The following DLG2 variants were observed in gnomAD, a reference collection of about 807,000 sequenced individuals.
DLG2 encodes disks large homolog 2.
A neutral mutation model predicts 132.5 loss-of-function variants in DLG2; 45 were observed. That is an observed-to-expected ratio of 0.34 (90% CI 0.27 to 0.44). DLG2 has a LOEUF of 0.44. DLG2 is among the 20% of genes least tolerant of loss of function. The pLI is 1.00. For synonymous variants in DLG2, 424 were observed against 419.6 expected (o/e 1.01, Z -0.13); for missense variants, 1,045 against 1,196.9 (o/e 0.87, Z 1.87).
chr11:84,677,296 T>C (rs2099715397), intron 6 of DLG2, among the ~76,000 whole-genome samples: 1 of 152,064 alleles, frequency 6.6e-6, no homozygotes, highest in South Asian at 2.1e-4. Context: ...GCTTCACTTA[T>C]ACCTGTTTAT....
At chr11:85,180,332 GTA>G (rs1433368745) in intron 4 of DLG2, among the ~76,000 whole-genome samples, 1 of 151,696 alleles carries the variant, frequency 6.6e-6, no homozygotes, top group Non-Finnish European at 1.5e-5. Flanking sequence ...GTGCATAACT[GTA>G]TGTCATTTTG....
chr11:84,464,084 A>G (rs1297068392), intron 7 of DLG2, among the ~76,000 whole-genome samples: 1 of 151,278 alleles, frequency 6.6e-6, no homozygotes, highest in Non-Finnish European at 1.5e-5. Flanking sequence ...TTGGTCATAC[A>G]GAGATAATTT....
At chr11:83,869,425 G>T (rs1014530682) in intron 16 of DLG2, among the ~76,000 whole-genome samples, 2 of 152,154 alleles carry the variant, frequency 1.3e-5, no homozygotes, top group Non-Finnish European at 2.9e-5. Context: ...CTCAGGCTCA[G>T]AACACCAGAG....
Position 84,898,585 on chromosome 11 carries a change from C to T in DLG2, c.357+213076G>A, listed in dbSNP as rs182941111. 1.6e-4 allele frequency among the ~76,000 whole-genome samples: 24 copies of T among 152,020 alleles called. No homozygotes were observed. In the East Asian group the frequency reaches 3.5e-3, roughly 22 times the overall value. ...AATTTAGAATTATTTCTGTTACTAT[C>T]CCACTTAATATTTCTGGAAAATGTG... On this transcript the variant is annotated intron_variant, in intron 6 of 27. Coordinates refer to ENST00000376104, the MANE Select transcript of DLG2 (RefSeq NM_001142699.3).
intron 6 of DLG2, among the ~76,000 whole-genome samples, chr11:85,050,004 G>C (rs1446209166): frequency 6.6e-6 from 1 of 151,606 alleles, no homozygotes; most frequent in Non-Finnish European, 1.5e-5. Flanking sequence ...AAATTGTTAG[G>C]AGACCCTCTT....
intron 6 of DLG2, among the ~76,000 whole-genome samples, chr11:84,942,042 G>C (rs1479891571): frequency 6.6e-6 from 1 of 152,100 alleles, no homozygotes; most frequent in Non-Finnish European, 1.5e-5. Context: ...CTTGCATATA[G>C]ATGCTCATAG....
At chr11:83,783,417 A>C (rs1032140529) in intron 18 of DLG2, among the ~76,000 whole-genome samples, 1 of 152,252 alleles carries the variant, frequency 6.6e-6, no homozygotes, top group Non-Finnish European at 1.5e-5. Flanking sequence ...AAAGACTATG[A>C]GGAACACAGT....
intron 6 of DLG2, among the ~76,000 whole-genome samples, chr11:84,704,573 A>C (rs2059584189): frequency 6.6e-6 from 1 of 151,552 alleles, no homozygotes; most frequent in Admixed American, 6.6e-5. Context: ...AAAGATATAC[A>C]TAAATAAGAG....
chr11:84,665,951 T>A (rs899837510), intron 6 of DLG2, among the ~76,000 whole-genome samples: 10 of 152,188 alleles, frequency 6.6e-5, no homozygotes, highest in African/African-American at 2.4e-4. Context: ...GTTCACATTA[T>A]AAACTATAAA....
At chr11:85,292,909 C>T (rs1326278480) in intron 3 of DLG2, among the ~76,000 whole-genome samples, 2 of 151,548 alleles carry the variant, frequency 1.3e-5, no homozygotes, top group Admixed American at 1.3e-4. Flanking sequence ...TCTAGTACAT[C>T]TTTTTGTACT....
intron 7 of DLG2, among the ~76,000 whole-genome samples, chr11:84,518,426 A>G (rs929878968): frequency 1.3e-5 from 2 of 152,246 alleles, no homozygotes; most frequent in Admixed American, 6.5e-5. Context: ...CGAATGATAT[A>G]CCTAGACACA....
At chr11:83,621,703 C>A (rs555248067) in intron 19 of DLG2, among the ~76,000 whole-genome samples, 1 of 152,196 alleles carries the variant, frequency 6.6e-6, no homozygotes, top group East Asian at 1.9e-4. Context: ...AGAATAAGGC[C>A]TGGATCCTTG....
intron 6 of DLG2, among the ~76,000 whole-genome samples, chr11:85,014,508 C>A (rs1204146301): frequency 2.0e-5 from 3 of 152,188 alleles, no homozygotes; most frequent in Admixed American, 6.5e-5. Context: ...TTCAAGCCCT[C>A]TCCTCAGCTC....
At chr11:84,728,421 T>C (rs2062756174) in intron 6 of DLG2, among the ~76,000 whole-genome samples, 1 of 152,212 alleles carries the variant, frequency 6.6e-6, no homozygotes, top group Admixed American at 6.5e-5. Context: ...GAACCAGCCT[T>C]ACATCCCAGG....
chr11:84,367,574 G>A (rs2154426865), intron 7 of DLG2, among the ~76,000 whole-genome samples: 1 of 152,214 alleles, frequency 6.6e-6, no homozygotes, highest in South Asian at 2.1e-4. Flanking sequence ...TTTGAGAGAT[G>A]ATTGGATCAT....
chr11:84,393,455 T>C (rs1340737499), intron 7 of DLG2, among the ~76,000 whole-genome samples: 1 of 152,180 alleles, frequency 6.6e-6, no homozygotes, highest in Non-Finnish European at 1.5e-5. Flanking sequence ...TTTTTCTTTA[T>C]AGATTTTGCC....
chr11:84,404,247 G>T (rs1324821729), intron 7 of DLG2, among the ~76,000 whole-genome samples: 1 of 151,874 alleles, frequency 6.6e-6, no homozygotes, highest in African/African-American at 2.4e-5. Flanking sequence ...CTTTTAATAA[G>T]ACATGTCCTT....
intron 8 of DLG2, among the ~76,000 whole-genome samples, chr11:84,176,410 G>GTA (rs1380359138): frequency 2.7e-5 from 4 of 149,612 alleles, no homozygotes; most frequent in Non-Finnish European, 5.9e-5. Context: ...ACTGCTTGGT[G>GTA]TATATATATG....
chr11:84,798,719 G>A (rs781502706), intron 6 of DLG2, among the ~76,000 whole-genome samples: 26 of 152,114 alleles, frequency 1.7e-4, no homozygotes, highest in Non-Finnish European at 3.5e-4. Flanking sequence ...CCAACCTAAG[G>A]CCCAAAGCAT....
Sources: allele counts gnomAD v4.1 joint callset (sites outside exome capture counted in the v4.1 genomes callset), GRCh38; gene constraint gnomAD v4.1.1; transcripts MANE v1.5; gene names NCBI Gene and HGNC (gene_info 2026-07-23, HGNC 2026-07-21).